Variants in SELENOK observed in about 807,000 individuals in gnomAD.
SELENOK encodes the protein selenoprotein K.
Under a neutral mutation model 17.3 loss-of-function variants are expected in SELENOK, and 11 were observed. The ratio of observed to expected loss-of-function variants is 0.63; its 90% CI spans 0.40 to 1.05. SELENOK has a LOEUF of 1.05. SELENOK is among the 50% of genes least tolerant of loss of function. The pLI, the probability that SELENOK is intolerant of heterozygous loss-of-function variation, is 0.00. For missense variants in SELENOK, 125 were observed against 113.9 expected (o/e 1.10, Z -0.44); for synonymous variants, 45 against 35.4 (o/e 1.27, Z -0.97).
intron 1 of SELENOK, among the ~76,000 whole-genome samples, chr3:53,889,233 C>G (rs992727485): frequency 1.3e-5 from 2 of 152,164 alleles, no homozygotes; most frequent in Non-Finnish European, 2.9e-5. Flanking sequence ...TTCATCTTCT[C>G]CAGCTGAAAC....
At chr3:53,886,995 T>G in intron 2 of SELENOK, 61 bp from the exon 3 acceptor site, 1 of 1,297,314 alleles carries the variant, frequency 7.7e-7, no homozygotes, top group South Asian at 1.4e-5. Context: ...AAAATATATT[T>G]CCATGTTTTT....
At chr3:53,891,586 G>A (rs1287906762) in intron 1 of SELENOK, among the ~76,000 whole-genome samples, 184 bp downstream of exon 1, 1 of 152,320 alleles carries the variant, frequency 6.6e-6, no homozygotes, top group East Asian at 1.9e-4. Context: ...CCCGACTGCC[G>A]GCTCAGAGAC....
intron 2 of SELENOK, 134 bp from the exon 3 acceptor site, chr3:53,887,068 GCCAGCTGGACACCA>G: frequency 1.5e-6 from 1 of 649,850 alleles, no homozygotes; most frequent in Non-Finnish European, 2.6e-6. Flanking sequence ...ATTTCTTGCA[GCCAGCTGGACACCA>G]CCATCTAACT....
At chr3:53,886,525 T>C (rs1700128098) in intron 3 of SELENOK, among the ~76,000 whole-genome samples, 1 of 152,190 alleles carries the variant, frequency 6.6e-6, no homozygotes, top group Non-Finnish European at 1.5e-5. Flanking sequence ...CAAGCCACCG[T>C]GCCTGGCGAT....
intron 1 of SELENOK, among the ~76,000 whole-genome samples, chr3:53,890,317 A>T (rs1700158677): frequency 6.6e-6 from 1 of 152,202 alleles, no homozygotes; most frequent in Admixed American, 6.5e-5. Flanking sequence ...AGCAAGAGAA[A>T]GATTTTGTCA....
intron 1 of SELENOK, 92 bp downstream of exon 1, chr3:53,891,678 C>T: frequency 6.5e-7 from 1 of 1,541,190 alleles, no homozygotes; most frequent in Non-Finnish European, 9.0e-7. Context: ...GGAAGCCGCA[C>T]CGGGCTCAAG....
Position 53,885,409 on chromosome 3 carries a change from T to A in SELENOK, c.*149A>T. On this transcript the variant is annotated 3_prime_UTR_variant, in exon 5 of 5. Transcript: ENST00000495461. Reference sequence around the variant, plus strand: ...TTCCCTGCAGAGGGAATTCCCAGCATGACCTCATTCATCTGTGAGGACACA... The same window carrying A: ...TTCCCTGCAGAGGGAATTCCCAGCAAGACCTCATTCATCTGTGAGGACACA... 1.4e-6 allele frequency: 1 copy of A among 728,646 alleles called. No individual in the cohort carries two copies. Among genetic ancestry groups the A allele is most frequent in the Non-Finnish European group, 2.3e-6 (1 of 436,956 alleles). The allele number at this position is 728,646 out of a possible 1,614,324, so 45.1% of individuals were successfully genotyped here.
intron 1 of SELENOK, among the ~76,000 whole-genome samples, chr3:53,890,172 G>A (rs990361935): frequency 2.6e-5 from 4 of 152,176 alleles, no homozygotes; most frequent in African/African-American, 9.7e-5. Flanking sequence ...AGTTTAGAGG[G>A]TGGGTGACAG....
intron 1 of SELENOK, among the ~76,000 whole-genome samples, chr3:53,890,051 C>T (rs1268290234): frequency 6.6e-6 from 1 of 152,196 alleles, no homozygotes; most frequent in African/African-American, 2.4e-5. Flanking sequence ...CCCCACTCAC[C>T]TCTACCCACT....
chr3:53,889,156 G>A (rs1376658789), intron 1 of SELENOK, among the ~76,000 whole-genome samples: 1 of 152,108 alleles, frequency 6.6e-6, no homozygotes, highest in African/African-American at 2.4e-5. Context: ...AAAGAGTACA[G>A]TTCTGTGATA....
intron 4 of SELENOK, 78 bp downstream of exon 4, chr3:53,885,748 C>A (rs1007987231): frequency 7.7e-7 from 1 of 1,293,930 alleles, no homozygotes. Context: ...AGCTGCTGGG[C>A]AACTTCTTAA....
intron 1 of SELENOK, among the ~76,000 whole-genome samples, chr3:53,891,276 C>G (rs1700166989): frequency 1.3e-5 from 2 of 152,216 alleles, no homozygotes; most frequent in South Asian, 4.1e-4. Context: ...AATCCCGACT[C>G]AGCCATTAAG....
intron 1 of SELENOK, among the ~76,000 whole-genome samples, chr3:53,889,168 T>C (rs1169421478): frequency 6.6e-6 from 1 of 152,206 alleles, no homozygotes; most frequent in African/African-American, 2.4e-5. Flanking sequence ...TCTGTGATAT[T>C]AAGTACATTC....
chr3:53,887,183 G>A (rs1700133906), intron 2 of SELENOK, among the ~76,000 whole-genome samples: 1 of 152,112 alleles, frequency 6.6e-6, no homozygotes, highest in South Asian at 2.1e-4. Context: ...CCTAGACAGA[G>A]CATGAAACCA....
intron 1 of SELENOK, among the ~76,000 whole-genome samples, chr3:53,888,979 C>T (rs1287791757): frequency 1.3e-5 from 2 of 152,012 alleles, no homozygotes; most frequent in South Asian, 2.1e-4. Context: ...ATTGCTTGAA[C>T]CCAGGAAGCA....
chr3:53,890,490 T>C (rs1347358565), intron 1 of SELENOK, among the ~76,000 whole-genome samples: 1 of 152,216 alleles, frequency 6.6e-6, no homozygotes, highest in South Asian at 2.1e-4. Context: ...GTTGTGTTTC[T>C]CAACTTTTAA....
intron 1 of SELENOK, among the ~76,000 whole-genome samples, 171 bp downstream of exon 1, chr3:53,891,599 T>C (rs561495335): frequency 6.6e-6 from 1 of 152,192 alleles, no homozygotes; most frequent in Non-Finnish European, 1.5e-5. Context: ...TCAGAGACCA[T>C]CGGCTGACGC....
chr3:53,888,364 A>G lies in SELENOK; in HGVS notation c.110+29T>C, dbSNP rs372300406. The G allele has an allele frequency of 6.5e-5, 91 of 1,397,038 alleles. No individual in the cohort carries two copies. In the African/African-American group the frequency reaches 1.1e-3, roughly 17 times the overall value. The allele number at this position is 1,397,038 out of a possible 1,614,324, so 86.5% of individuals were successfully genotyped here. A position where few individuals can be genotyped will look rare whatever the true frequency, so the allele number is the denominator to read the frequency against. On this transcript the variant is annotated intron_variant, in intron 2 of 4. Coordinates refer to ENST00000495461, the MANE Select transcript of SELENOK (RefSeq NM_021237.5). ...ATGTATACCTGTCAACTTAAATATC[A>G]GGGCAATTAAGAGCTCTTCTATACT...
Position 53,888,587 on chromosome 3 carries a change from C to A in SELENOK, c.20-104G>T. Reference sequence around the variant, plus strand: ...TAACAATGATTGGGGTTTTAACTTGCCCATTATTCCAAATGGCCAACACCA... The same window carrying A: ...TAACAATGATTGGGGTTTTAACTTGACCATTATTCCAAATGGCCAACACCA... On this transcript the variant is annotated intron_variant, in intron 1 of 4. Transcript: ENST00000495461. The A allele has an allele frequency of 3.7e-6, 3 of 804,770 alleles. No homozygotes were observed. In the East Asian group the frequency reaches 7.3e-5, roughly 20 times the overall value. The allele number at this position is 804,770 out of a possible 1,614,324, so 49.9% of individuals were successfully genotyped here.
Sources: gnomAD v4.1 joint callset for allele counts (sites outside exome capture counted in the v4.1 genomes callset) on GRCh38, gnomAD v4.1.1 for gene constraint, MANE v1.5 for transcripts, NCBI Gene and HGNC (gene_info 2026-07-23, HGNC 2026-07-21) for gene names.